Variants in NDUFC2 observed in about 807,000 individuals in gnomAD.
NDUFC2 encodes NADH dehydrogenase [ubiquinone] 1 subunit C2.
In NDUFC2, 2 loss-of-function variants were observed where a neutral mutation model predicts 10.1. That is an observed-to-expected ratio of 0.20 (90% CI 0.08 to 0.62). NDUFC2 has a LOEUF of 0.62. Ranked by LOEUF, NDUFC2 falls within the 20% of genes least tolerant of loss-of-function variation. The pLI is 0.87. For synonymous variants in NDUFC2, 61 were observed against 63.6 expected, an observed-to-expected ratio of 0.96 and a Z score of 0.20; for missense variants, 156 against 159.6, an observed-to-expected ratio of 0.98 and a Z score of 0.12.
At chr11:78,073,638 C>T (rs1045082356) in intron 1 of NDUFC2, among the ~76,000 whole-genome samples, 1 of 151,800 alleles carries the variant, frequency 6.6e-6, no homozygotes, top group African/African-American at 2.4e-5. Context: ...CCTGTCTCTA[C>T]TAAAAATACA....
At chr11:78,074,469 C>T (rs1490777621) in intron 1 of NDUFC2, among the ~76,000 whole-genome samples, 4 of 151,868 alleles carry the variant, frequency 2.6e-5, no homozygotes, top group East Asian at 2.0e-4. Context: ...AAAAATTAGC[C>T]GGGCGTGGTA....
chr11:78,070,051 A>T lies in NDUFC2; in HGVS notation c.311-15T>A. The T allele has an allele frequency of 6.8e-7, 1 of 1,473,746 alleles. No individual in the cohort carries two copies. Among genetic ancestry groups the T allele is most frequent in the Non-Finnish European group, 9.4e-7 (1 of 1,069,228 alleles). The allele number at this position is 1,473,746 out of a possible 1,614,324, so 91.3% of individuals were successfully genotyped here. A position where few individuals can be genotyped will look rare whatever the true frequency, so the allele number is the denominator to read the frequency against. ...TGTTTTCTTATCTATAAAAGGAAAG[A>T]TCATAAAAGATTTATTTTAAAAATA... is the stretch of plus-strand genomic sequence containing the variant. On this transcript the variant is annotated splice_polypyrimidine_tract_variant and intron_variant, in intron 2 of 2. Transcript: ENST00000281031.
intron 2 of NDUFC2, among the ~76,000 whole-genome samples, chr11:78,071,149 GA>G (rs2136822787): frequency 6.6e-6 from 1 of 152,126 alleles, no homozygotes; most frequent in African/African-American, 2.4e-5. Context: ...AAGGCTGTGG[GA>G]ATATTAAAGA....
chr11:78,076,308 A>G (rs1859249067), intron 1 of NDUFC2, among the ~76,000 whole-genome samples: 2 of 152,074 alleles, frequency 1.3e-5, no homozygotes, highest in African/African-American at 4.8e-5. Flanking sequence ...CGCCTGGCTA[A>G]TTTTTGTATT....
At chr11:78,077,629 C>T (rs1023500617) in intron 1 of NDUFC2, among the ~76,000 whole-genome samples, 3 of 151,908 alleles carry the variant, frequency 2.0e-5, no homozygotes, top group African/African-American at 7.3e-5. Context: ...AATCGTGGCT[C>T]GCTGCAGCCT....
chr11:78,077,231 G>A (rs146268151), intron 1 of NDUFC2, among the ~76,000 whole-genome samples: 1,897 of 152,000 alleles, frequency 0.012, 19 homozygotes, highest in Non-Finnish European at 0.018. Context: ...GGTCGAGGCT[G>A]CAGTGAGCCA....
chr11:78,073,712 G>T (rs1859117645), intron 1 of NDUFC2, among the ~76,000 whole-genome samples: 1 of 142,926 alleles, frequency 7.0e-6, no homozygotes, highest in Non-Finnish European at 1.5e-5. Flanking sequence ...TGAGGCAGGA[G>T]AATTGTTAGA....
At chr11:78,071,233 C>T (rs529131946) in intron 2 of NDUFC2, among the ~76,000 whole-genome samples, 6 of 151,032 alleles carry the variant, frequency 4.0e-5, no homozygotes, top group South Asian at 4.2e-4. Flanking sequence ...TTTTATATCA[C>T]GCATTTACAT....
chr11:78,079,093 T>C (rs1379177477), intron 1 of NDUFC2, among the ~76,000 whole-genome samples: 2 of 127,246 alleles, frequency 1.6e-5, no homozygotes, highest in Non-Finnish European at 3.2e-5. Flanking sequence ...AGCACTGGTG[T>C]CCAATATCCA....
In NDUFC2 at chr11:78,079,679, CGGGG is replaced by C. The variant is rs1565335597; in HGVS notation, c.62_65del (p.Pro21ArgfsTer4). 2 of 1,609,120 alleles carry C rather than the reference CGGGG, an allele frequency of 1.2e-6. No homozygotes were observed. The highest frequency in any genetic ancestry group is 4.5e-5 in the East Asian group (2 of 44,650). On this transcript the variant is annotated frameshift_variant, in exon 1 of 3. Coordinates refer to ENST00000281031, the MANE Select transcript of NDUFC2 (RefSeq NM_004549.6). LOFTEE classifies it high-confidence loss of function. ...GGAGCCGCGGGTCGGTCAGCTTGGG[CGGGG>C]GCAGGCTCCGGGCCTCATCCGGCAG...
intron 1 of NDUFC2, 55 bp downstream of exon 1, chr11:78,079,524 C>G: frequency 6.5e-7 from 1 of 1,533,134 alleles, no homozygotes; most frequent in South Asian, 1.2e-5. Flanking sequence ...CCGGGCCAGT[C>G]TGCAGCCCTA....
At chr11:78,073,877 CTT>C (rs879863501) in intron 1 of NDUFC2, among the ~76,000 whole-genome samples, 5 of 131,430 alleles carry the variant, frequency 3.8e-5, no homozygotes, top group Non-Finnish European at 1.6e-5. Flanking sequence ...CCTACATATT[CTT>C]TTTTTTTTTT....
chr11:78,068,897 GT>G lies in NDUFC2; in HGVS notation c.*1089del, dbSNP rs764260921. 1.3e-5 allele frequency: 2 copies of G among 150,862 alleles called. No individual in the cohort carries two copies. The highest frequency in any genetic ancestry group is 3.0e-5 in the Non-Finnish European group (2 of 67,748). The allele number at this position is 150,862 out of a possible 1,614,324, so 9.3% of individuals were successfully genotyped here. A position where few individuals can be genotyped will look rare whatever the true frequency, so the allele number is the denominator to read the frequency against. On this transcript the variant is annotated 3_prime_UTR_variant, in exon 3 of 3. Transcript: ENST00000281031. ...GACAAGTACTTTTTTTTTTGACGGG[GT>G]CTCCTTTGTCACCCAGGCTGGAGTG... is the stretch of plus-strand genomic sequence containing the variant.
rs1187780752 is a variant in NDUFC2, at chr11:78,068,695, G to C, written c.*1292C>G. The stretch of plus-strand genomic sequence containing the variant: ...AGCTACTCGGGAGGCTGAGGCAGGA[G>C]AATTGCTTGAACCCAGGAGGTGGAG... On this transcript the variant is annotated 3_prime_UTR_variant, in exon 3 of 3. Transcript: ENST00000281031. The C allele has an allele frequency of 6.6e-6, 1 of 150,948 alleles. No individual in the cohort carries two copies. Among genetic ancestry groups the C allele is most frequent in the Non-Finnish European group, 1.5e-5 (1 of 67,980 alleles). 9.4% of individuals were successfully genotyped at this position (150,948 alleles called of 1,614,324 possible).
intron 2 of NDUFC2, among the ~76,000 whole-genome samples, chr11:78,071,020 G>A (rs991454654): frequency 6.6e-6 from 1 of 152,142 alleles, no homozygotes; most frequent in African/African-American, 2.4e-5. Context: ...ACGGTTCTGG[G>A]TATTATGCAT....
intron 1 of NDUFC2, among the ~76,000 whole-genome samples, chr11:78,075,606 G>A (rs1362826454): frequency 4.6e-5 from 7 of 152,074 alleles, no homozygotes; most frequent in Non-Finnish European, 1.0e-4. Flanking sequence ...ATTATTATGA[G>A]ACAGAATCTT....
intron 2 of NDUFC2, among the ~76,000 whole-genome samples, chr11:78,070,328 A>G (rs940820660): frequency 7.9e-5 from 12 of 152,200 alleles, no homozygotes; most frequent in African/African-American, 2.7e-4. Context: ...AGATGGCATC[A>G]TCTATGAAGC....
Position 78,068,344 on chromosome 11 carries a change from G to C in NDUFC2, c.*1643C>G, listed in dbSNP as rs1455237107. 2 of 152,030 alleles carry C rather than the reference G, an allele frequency of 1.3e-5. No homozygotes were observed. Among genetic ancestry groups the C allele is most frequent in the African/African-American group, 4.8e-5 (2 of 41,398 alleles). 9.4% of individuals were successfully genotyped at this position (152,030 alleles called of 1,614,324 possible). On this transcript the variant is annotated 3_prime_UTR_variant, in exon 3 of 3. Coordinates refer to ENST00000281031, the MANE Select transcript of NDUFC2 (RefSeq NM_004549.6). ...TTGCAGAACTAATAAAAAATCCAAA[G>C]CCTTGTATTTGTACATCTTTATTAT...
At chr11:78,072,956 T>C (rs376134624) in intron 2 of NDUFC2, 42 bp downstream of exon 2, 12 of 1,596,430 alleles carry the variant, frequency 7.5e-6, no homozygotes, top group African/African-American at 1.4e-5. Flanking sequence ...GGGAAAATAA[T>C]AATACAGTAA....
Sources: gnomAD v4.1 joint callset for allele counts (sites outside exome capture counted in the v4.1 genomes callset) on GRCh38, gnomAD v4.1.1 for gene constraint, MANE v1.5 for transcripts, NCBI Gene and HGNC (gene_info 2026-07-23, HGNC 2026-07-21) for gene names.